The following ZNF521 variants were observed in gnomAD, a reference collection of about 807,000 sequenced individuals.
ZNF521 encodes the protein LYST-interacting protein 3.
ZNF521 carries 14 observed loss-of-function variants against 105.5 expected under a neutral mutation model. That is an observed-to-expected ratio of 0.13 (90% CI 0.09 to 0.21). The LOEUF (loss-of-function observed/expected upper bound fraction) is 0.21, where lower values mean the gene tolerates loss of function less well. Ranked by LOEUF, ZNF521 falls within the 10% of genes least tolerant of loss-of-function variation. ZNF521 has a pLI of 1.00. For missense variants in ZNF521, 1,233 were observed against 1,629.7 expected (o/e 0.76, Z 4.19); for synonymous variants, 635 against 606.0 (o/e 1.05, Z -0.70).
chr18:25,099,322 C>G (rs1019909595), intron 5 of ZNF521, among the ~76,000 whole-genome samples: 3 of 152,130 alleles, frequency 2.0e-5, no homozygotes, highest in African/African-American at 7.2e-5. Context: ...TTCCCTTGTG[C>G]ATTAAACCCT....
At chr18:25,264,518 A>AT (rs1909118309) in intron 3 of ZNF521, among the ~76,000 whole-genome samples, 1 of 152,112 alleles carries the variant, frequency 6.6e-6, no homozygotes, top group Admixed American at 6.6e-5. Flanking sequence ...TCATTTATCA[A>AT]TTTTGTCCAT....
chr18:25,142,806 A>G (rs2034874511), intron 5 of ZNF521, among the ~76,000 whole-genome samples: 1 of 151,956 alleles, frequency 6.6e-6, no homozygotes, highest in Non-Finnish European at 1.5e-5. Flanking sequence ...CATTAACACT[A>G]CTTTGTGATA....
intron 2 of ZNF521, among the ~76,000 whole-genome samples, chr18:25,335,258 T>C (rs1913805648): frequency 1.3e-5 from 2 of 152,172 alleles, no homozygotes; most frequent in African/African-American, 4.8e-5. Context: ...GAATTATAAA[T>C]CAAGAGACTG....
intron 3 of ZNF521, among the ~76,000 whole-genome samples, chr18:25,234,894 T>G (rs1358709029): frequency 6.6e-6 from 1 of 152,082 alleles, no homozygotes; most frequent in Non-Finnish European, 1.5e-5. Context: ...AAATAACAAT[T>G]TGATAGACAA....
At chr18:25,092,197 T>C in intron 5 of ZNF521, 116 bp from the exon 6 acceptor site, 1 of 1,134,894 alleles carries the variant, frequency 8.8e-7, no homozygotes, top group Non-Finnish European at 1.2e-6. Flanking sequence ...TATACATATG[T>C]AGTATTATAT....
intron 5 of ZNF521, among the ~76,000 whole-genome samples, chr18:25,148,416 T>A (rs2034986057): frequency 6.6e-6 from 1 of 152,232 alleles, no homozygotes; most frequent in African/African-American, 2.4e-5. Flanking sequence ...CTATTTTATG[T>A]TCACTGATTT....
chr18:25,284,481 G>C (rs12327354), intron 3 of ZNF521, among the ~76,000 whole-genome samples: 156 of 152,236 alleles, frequency 1.0e-3, no homozygotes, highest in African/African-American at 3.5e-3. Flanking sequence ...AATCAGCAAA[G>C]TCATCTCATC....
rs1485315804 is a variant in ZNF521, at chr18:25,227,107, C to T, written c.811G>A (p.Glu271Lys). 2 of 1,614,072 alleles carry T rather than the reference C, an allele frequency of 1.2e-6. No homozygotes were observed. The highest frequency in any genetic ancestry group is 1.1e-5 in the South Asian group (1 of 91,072). ...LQKHIAECHPECSPNEDRAAL... is the reference protein window; with the variant it reads ...LQKHIAECHPKCSPNEDRAAL... ...GCTCGGTCCTCATTTGGGGAGCATT[C>T]GGGGTGGCACTCTGCAATGTGTTTT... Residue 271 changes from glutamate to lysine, a missense_variant, in exon 4 of 8, where the codon GAA becomes AAA. By Grantham distance (56) the Glu-to-Lys change is moderately conservative. This residue lies in a region of ZNF521 where 380 missense variants were observed against 478.0 expected (regional missense o/e 0.80). Coordinates refer to ENST00000361524, the MANE Select transcript of ZNF521 (RefSeq NM_015461.3). This position sits in a 1 kb window ranked among gnomAD's most constrained non-coding sequence, Gnocchi z 5.7.
intron 5 of ZNF521, among the ~76,000 whole-genome samples, chr18:25,123,960 A>T (rs1277204583): frequency 6.6e-6 from 1 of 152,166 alleles, no homozygotes; most frequent in African/African-American, 2.4e-5. Flanking sequence ...TGTTATTTCC[A>T]TAAGCCATCA....
chr18:25,332,707 G>A (rs1456931942), intron 2 of ZNF521, among the ~76,000 whole-genome samples: 1 of 152,072 alleles, frequency 6.6e-6, no homozygotes, highest in African/African-American at 2.4e-5. Flanking sequence ...GTGTCCATAT[G>A]AGTCTAATGT....
At chr18:25,204,956 TTGTTTACTGAC>T (rs1345188402) in intron 4 of ZNF521, among the ~76,000 whole-genome samples, 1 of 152,040 alleles carries the variant, frequency 6.6e-6, no homozygotes, top group Non-Finnish European at 1.5e-5. Flanking sequence ...TCAATACATT[TTGTTTACTGAC>T]TGTTGAATGG....
intron 3 of ZNF521, among the ~76,000 whole-genome samples, chr18:25,281,462 G>A (rs951621237): frequency 3.9e-5 from 6 of 152,208 alleles, no homozygotes; most frequent in African/African-American, 1.2e-4. Context: ...TAGAATGCAT[G>A]TGCTGGAAAT....
intron 7 of ZNF521, among the ~76,000 whole-genome samples, chr18:25,075,663 C>T (rs2033343360): frequency 6.6e-6 from 1 of 152,182 alleles, no homozygotes; most frequent in Admixed American, 6.5e-5. Context: ...TTCAGACTCA[C>T]CTAAGTTGTT....
At chr18:25,107,338 ACT>A (rs1456382360) in intron 5 of ZNF521, among the ~76,000 whole-genome samples, 1 of 152,176 alleles carries the variant, frequency 6.6e-6, no homozygotes, top group Non-Finnish European at 1.5e-5. Flanking sequence ...ATCTTTTAAC[ACT>A]CAGCATTTTT....
intron 3 of ZNF521, among the ~76,000 whole-genome samples, chr18:25,305,706 A>T (rs1174861623): frequency 6.6e-6 from 1 of 152,218 alleles, no homozygotes; most frequent in African/African-American, 2.4e-5. Context: ...GAAGGGAAGA[A>T]TTTTAAGATG....
Position 25,224,487 on chromosome 18 carries a change from T to C in ZNF521, c.3431A>G (p.Asn1144Ser), listed in dbSNP as rs1027994997. The C allele has an allele frequency of 6.2e-7, 1 of 1,614,086 alleles. No individual in the cohort carries two copies. The highest frequency in any genetic ancestry group is 1.1e-5 in the South Asian group (1 of 91,072). The stretch of plus-strand genomic sequence containing the variant: ...TTCACTTTCAGACTCAAACTTAACG[T>C]TGCAGCTAGAGCAGCGTGTCTTCAG... ...GGLKTRCSSC[N>S]VKFESESELQ... The change falls in exon 4 of 8, where the codon AAC becomes AGC. Residue 1144 changes from asparagine to serine, a missense_variant. Physicochemically the swap from Asn to Ser is conservative, Grantham distance 46. Transcript: ENST00000361524.
intron 2 of ZNF521, among the ~76,000 whole-genome samples, chr18:25,330,958 T>G (rs1369937014): frequency 6.6e-6 from 1 of 152,240 alleles, no homozygotes; most frequent in Admixed American, 6.5e-5. Flanking sequence ...AGTACCCTGC[T>G]GAAGCTTTTT....
At chr18:25,245,026 G>A (rs1458126359) in intron 3 of ZNF521, among the ~76,000 whole-genome samples, 2 of 152,150 alleles carry the variant, frequency 1.3e-5, no homozygotes, top group East Asian at 3.9e-4. Flanking sequence ...TATAAGCTGG[G>A]AACTGCCTGC....
At chr18:25,208,876 C>G (rs901544147) in intron 4 of ZNF521, among the ~76,000 whole-genome samples, 1 of 152,066 alleles carries the variant, frequency 6.6e-6, no homozygotes. Context: ...TCAGTAGAGA[C>G]GAGGTCTTGC....
Sources: allele counts gnomAD v4.1 joint callset (sites outside exome capture counted in the v4.1 genomes callset), GRCh38; gene constraint gnomAD v4.1.1; regional missense constraint gnomAD v4.1.1; non-coding constraint Gnocchi (gnomAD v3.1); transcripts MANE v1.5; gene names NCBI Gene and HGNC (gene_info 2026-07-23, HGNC 2026-07-21).